The following ERAP2 variants were observed in gnomAD, a reference collection of about 807,000 sequenced individuals.
The protein encoded by ERAP2 is leukocyte-derived arginine aminopeptidase.
ERAP2 carries 118 observed loss-of-function variants against 111.1 expected under a neutral mutation model. That is an observed-to-expected ratio of 1.06 (90% CI 0.92 to 1.24). ERAP2 has a LOEUF of 1.24. Among genes scored for constraint, ERAP2 ranks in the 50% most tolerant of loss-of-function variants. The pLI, the probability that ERAP2 is intolerant of heterozygous loss-of-function variation, is 0.00. For missense variants in ERAP2, 1,131 were observed against 1,125.8 expected, an observed-to-expected ratio of 1.00 and a Z score of -0.07; for synonymous variants, 410 against 401.2, an observed-to-expected ratio of 1.02 and a Z score of -0.26.
rs113436741 is a variant in ERAP2 at position 96,901,599 on chromosome 5, G to A, written c.1666G>A (p.Gly556Arg). The change falls in exon 11 of 19, where the codon GGG (glycine) becomes AGG (arginine). Residue 556 changes from glycine to arginine, a missense_variant. By Grantham distance (125) the Gly-to-Arg change is moderately radical. Transcript: ENST00000437043. The stretch of plus-strand genomic sequence containing the variant: ...CCCCCTGCTGGTGGTTAAACAAGAC[G>A]GGTGTTCACTCCGACTGCAACAGGA... ...GIPLLVVKQD[G>R]CSLRLQQERF... The A allele has an allele frequency of 2.2e-5, 35 of 1,614,094 alleles. 1 individual carries two copies. In the Admixed American group the frequency reaches 2.8e-4, roughly 13 times the overall value.
chr5:96,914,829 T>C (rs1561402203), intron 17 of ERAP2, among the ~76,000 whole-genome samples: 1 of 152,168 alleles, frequency 6.6e-6, no homozygotes, highest in Non-Finnish European at 1.5e-5. Context: ...GATGAGGAAG[T>C]GTGCAAGAAG....
rs1784994851 is a variant in ERAP2 at position 96,897,517 on chromosome 5, T to C, written c.1503+654T>C. Among the ~76,000 whole-genome samples the C allele has an allele frequency of 2.1e-5, 3 of 145,444 alleles. 1 individual carries two copies. In the South Asian group the frequency reaches 6.8e-4, roughly 33 times the overall value. On this transcript the variant is annotated intron_variant, in intron 9 of 18. Transcript: ENST00000437043. Reference sequence around the variant, plus strand: ...TTTTATTAGTTCAATAATGATAATGTGCTTAAGAACAAAAATTGTGTCTAT... The same window carrying C: ...TTTTATTAGTTCAATAATGATAATGCGCTTAAGAACAAAAATTGTGTCTAT...
At chr5:96,913,188 TA>T (rs1437299504) in intron 16 of ERAP2, 128 bp from the exon 17 acceptor site, 3 of 697,144 alleles carry the variant, frequency 4.3e-6, no homozygotes, top group South Asian at 5.0e-5. Context: ...ATTGAAACAT[TA>T]AAAAATTGGT....
chr5:96,903,272 T>A, intron 12 of ERAP2, 105 bp from the exon 13 acceptor site: 1 of 898,410 alleles, frequency 1.1e-6, no homozygotes, highest in Non-Finnish European at 1.6e-6. Context: ...CCAAACTTCA[T>A]CTTCCCATTG....
chr5:96,910,453 G>GAA (rs556467501), intron 15 of ERAP2, among the ~76,000 whole-genome samples: 5 of 140,166 alleles, frequency 3.6e-5, no homozygotes, highest in East Asian at 2.0e-4. Context: ...ATCAGTTTTA[G>GAA]AAAAAAAAAA....
chr5:96,906,481 T>C (rs1786098980), intron 13 of ERAP2, among the ~76,000 whole-genome samples: 1 of 152,104 alleles, frequency 6.6e-6, no homozygotes, highest in African/African-American at 2.4e-5. Flanking sequence ...TTGTCCAGGC[T>C]GGTCTCAAAC....
chr5:96,901,400 G>C (rs1229771764), intron 10 of ERAP2, 106 bp from the exon 11 acceptor site: 6 of 1,269,482 alleles, frequency 4.7e-6, no homozygotes, highest in Non-Finnish European at 5.5e-6. Context: ...CGAGTCTTCT[G>C]TTCCCCAAGC....
chr5:96,916,770 T>C (rs1787459189), intron 18 of ERAP2, among the ~76,000 whole-genome samples: 1 of 151,234 alleles, frequency 6.6e-6, no homozygotes, highest in Non-Finnish European at 1.5e-5. Context: ...CCTATCTTTT[T>C]TTTTTTTTTA....
intron 13 of ERAP2, among the ~76,000 whole-genome samples, chr5:96,906,119 G>C (rs554517590): frequency 2.0e-5 from 3 of 151,808 alleles, no homozygotes; most frequent in Non-Finnish European, 4.4e-5. Context: ...TTCTTTAGTG[G>C]ACAAGACATT....
chr5:96,916,651 G>T (rs141466933), intron 18 of ERAP2, among the ~76,000 whole-genome samples: 3 of 151,342 alleles, frequency 2.0e-5, no homozygotes, highest in Admixed American at 6.6e-5. Context: ...TTTTTTTTTA[G>T]TAGAGATGGG....
Position 96,880,179 on chromosome 5 carries a change from C to T in ERAP2, c.494C>T (p.Ala165Val). ...ACGCCTCACCTGAAATACTATGTGGCTATGGACTTCCAAGCCAAGTTAGGT... is the reference window on the plus strand; with the variant it reads ...ACGCCTCACCTGAAATACTATGTGGTTATGGACTTCCAAGCCAAGTTAGGT... ...KLTPHLKYYV[A>V]MDFQAKLGDG... The change falls in exon 2 of 19, where the codon GCT becomes GTT. Residue 165 changes from alanine (A) to valine (V), a missense_variant. Physicochemically the swap from Ala to Val is moderately conservative, Grantham distance 64. Coordinates refer to ENST00000437043, the MANE Select transcript of ERAP2 (RefSeq NM_022350.5). 2 of 1,614,000 alleles carry T rather than the reference C, an allele frequency of 1.2e-6. No individual in the cohort carries two copies. The highest frequency in any genetic ancestry group is 8.5e-7 in the Non-Finnish European group (1 of 1,179,986).
Position 96,896,394 on chromosome 5 carries a change from T to C in ERAP2, c.1261T>C (p.Cys421Arg). Residue 421 changes from cysteine (C) to arginine (R), a missense_variant, in exon 8 of 19, where the codon TGT (cysteine) becomes CGT (arginine). Physicochemically the swap from Cys to Arg is radical, Grantham distance 180 (BLOSUM62 -3). This residue lies in a region of ERAP2 where 847 missense variants were observed against 856.5 expected (regional missense o/e 0.99). Transcript: ENST00000437043. ...LQFDDYFLNV[C>R]FEVITKDSLN... is the part of the protein sequence containing the mutation. ...TTAGGATGACTATTTTTTGAATGTG[T>C]GTTTTGAAGTAATTACAAAAGATTC... 6.2e-7 allele frequency: 1 copy of C among 1,611,162 alleles called. No individual in the cohort carries two copies. Among genetic ancestry groups the C allele is most frequent in the South Asian group, 1.1e-5 (1 of 90,658 alleles).
In ERAP2 at chr5:96,919,032, T is replaced by C. The variant is rs1425478444; in HGVS notation, c.*1427T>C. 6.6e-6 allele frequency: 1 copy of C among 152,144 alleles called. No homozygotes were observed. The highest frequency in any genetic ancestry group is 2.4e-5 in the African/African-American group (1 of 41,426). 9.4% of individuals were successfully genotyped at this position (152,144 alleles called of 1,614,324 possible). ...TAAACTTAATTTGTGATCCTATATA[T>C]GAGACAGTATAAAAATACAGATAAG... is the stretch of plus-strand genomic sequence containing the variant. On this transcript the variant is annotated 3_prime_UTR_variant, in exon 19 of 19. Coordinates refer to ENST00000437043, the MANE Select transcript of ERAP2 (RefSeq NM_022350.5).
chr5:96,889,898 GAAT>G (rs1435331117), intron 5 of ERAP2, among the ~76,000 whole-genome samples: 1 of 151,738 alleles, frequency 6.6e-6, no homozygotes, highest in Non-Finnish European at 1.5e-5. Flanking sequence ...ATTTCTGGAG[GAAT>G]CACCATACCT....
intron 9 of ERAP2, among the ~76,000 whole-genome samples, chr5:96,898,396 T>G (rs970152081): frequency 2.6e-5 from 4 of 152,106 alleles, no homozygotes; most frequent in African/African-American, 7.2e-5. Context: ...ATTTTTTACT[T>G]GCATTTCTTG....
chr5:96,908,845 C>T (rs2549794), intron 13 of ERAP2, 116 bp from the exon 14 acceptor site: 626,962 of 1,070,790 alleles, frequency 0.59, 186,146 homozygotes, highest in Middle Eastern at 0.76. Flanking sequence ...AACTGAATGG[C>T]CCAGCTATAA....
Position 96,912,673 on chromosome 5 carries a change from G to C in ERAP2, c.2391G>C (p.Val797=). ...ATGTTTTAAAGATTGTGTATTCTGT[G>C]GGTGCTCAGACAACAGCAGGATGGA... ...PTDVLKIVYS[V]GAQTTAGWNY... is the part of the protein sequence containing the mutation. The change falls in exon 16 of 19, where the codon GTG becomes GTC. Residue 797 remains valine (V), a synonymous_variant. Coordinates refer to ENST00000437043, the MANE Select transcript of ERAP2 (RefSeq NM_022350.5). 6.2e-7 allele frequency: 1 copy of C among 1,610,512 alleles called. No homozygotes were observed.
chr5:96,893,164 C>T (rs1403614622), intron 6 of ERAP2, among the ~76,000 whole-genome samples: 1 of 152,090 alleles, frequency 6.6e-6, no homozygotes, highest in Non-Finnish European at 1.5e-5. Flanking sequence ...GTATTACATA[C>T]AAATGTGGAA....
At chr5:96,908,833 TAAACTG>T in intron 13 of ERAP2, 122 bp from the exon 14 acceptor site, 1 of 973,472 alleles carries the variant, frequency 1.0e-6, no homozygotes, top group Admixed American at 2.9e-5. Context: ...AGCTAAGATT[TAAACTG>T]AATGGCCCAG....
Sources: allele counts gnomAD v4.1 joint callset (sites outside exome capture counted in the v4.1 genomes callset), GRCh38; gene constraint gnomAD v4.1.1; regional missense constraint gnomAD v4.1.1; transcripts MANE v1.5; gene names NCBI Gene and HGNC (gene_info 2026-07-23, HGNC 2026-07-21).